The following E2F7 variants were observed in gnomAD, a reference collection of about 807,000 sequenced individuals.
E2F7 encodes the protein E2F transcription factor 7, also known as transcription factor E2F7.
In E2F7, 35 loss-of-function variants were observed where a neutral mutation model predicts 81.1. The ratio of observed to expected loss-of-function variants is 0.43; its 90% CI spans 0.33 to 0.57. The LOEUF is 0.57. Among genes scored for constraint, E2F7 ranks in the 20% least tolerant of loss-of-function variants. The probability of loss-of-function intolerance (pLI) is 0.04; values close to 1 mark genes in which losing one functional copy is unlikely to be tolerated. For missense variants in E2F7, 961 were observed against 1,093.7 expected (o/e 0.88, Z 1.71); for synonymous variants, 416 against 416.2 (o/e 1.00, Z 0.01).
chr12:77,023,787 C>G lies in E2F7; in HGVS notation c.*228G>C. On this transcript the variant is annotated 3_prime_UTR_variant, in exon 13 of 13. Coordinates refer to ENST00000322886, the MANE Select transcript of E2F7 (RefSeq NM_203394.3). The stretch of plus-strand genomic sequence containing the variant: ...TCTTGAATCAAAACCATAAGTCAGT[C>G]GGCGCTTTCACTGTGACACCATGCA... 2.0e-6 allele frequency: 1 copy of G among 493,188 alleles called. No homozygotes were observed. The highest frequency in any genetic ancestry group is 3.5e-6 in the Non-Finnish European group (1 of 283,872). 30.6% of individuals were successfully genotyped at this position (493,188 alleles called of 1,614,324 possible).
At chr12:77,056,961 A>T (rs753095266) in intron 2 of E2F7, among the ~76,000 whole-genome samples, 3 of 150,694 alleles carry the variant, frequency 2.0e-5, no homozygotes, top group Non-Finnish European at 4.4e-5. Flanking sequence ...ATCATAATTC[A>T]CTATAGCCTC....
intron 9 of E2F7, among the ~76,000 whole-genome samples, chr12:77,031,320 G>A (rs1346293081): frequency 6.6e-6 from 1 of 152,154 alleles, no homozygotes; most frequent in East Asian, 1.9e-4. Flanking sequence ...ATATTTTTAG[G>A]AATAGAGAAG....
intron 2 of E2F7, 62 bp from the exon 3 acceptor site, chr12:77,056,192 C>CT: frequency 6.8e-7 from 1 of 1,472,104 alleles, no homozygotes; most frequent in Non-Finnish European, 9.1e-7. Context: ...TAAGAGTATA[C>CT]TTTGTTCCCA....
chr12:77,055,922 C>T lies in E2F7; in HGVS notation c.302G>A (p.Arg101Gln), dbSNP rs200583330. 1.2e-4 allele frequency: 192 copies of T among 1,614,016 alleles called. No individual in the cohort carries two copies. The East Asian group carries it at 2.5e-3, about 21-fold the overall frequency. Residue 101 changes from arginine to glutamine, a missense_variant, in exon 3 of 13, where the codon CGG becomes CAG. By Grantham distance (43) the Arg-to-Gln change is conservative. Around this residue, in one of 3 missense-constraint regions of E2F7, gnomAD observed 301 missense variants for 405.0 expected, o/e 0.74. Coordinates refer to ENST00000322886, the MANE Select transcript of E2F7 (RefSeq NM_203394.3). ...TCGGAATAGTCCCTTTTTCTTCTCC[C>T]GGTCCCTTATATCTGGGCTGGCAGC... Reference protein sequence around the residue: ...ISAASPDIRDREKKKGLFRPI... With the variant: ...ISAASPDIRDQEKKKGLFRPI...
At chr12:77,045,952 C>T (rs1003277484) in intron 5 of E2F7, 86 bp downstream of exon 5, 244 of 1,513,140 alleles carry the variant, frequency 1.6e-4, no homozygotes, top group Non-Finnish European at 1.8e-4. Flanking sequence ...GTCAACCTGG[C>T]ACTTCCCATC....
intron 3 of E2F7, among the ~76,000 whole-genome samples, chr12:77,053,953 T>C (rs1473660142): frequency 2.6e-5 from 4 of 152,120 alleles, no homozygotes. Context: ...GTATTTTACA[T>C]GATCAAATAG....
chr12:77,035,886 C>A (rs1954845251), intron 7 of E2F7, among the ~76,000 whole-genome samples: 1 of 104,710 alleles, frequency 9.6e-6, no homozygotes, highest in Non-Finnish European at 2.1e-5. Flanking sequence ...AGGCTCAAAT[C>A]AAACTTCTAG....
At chr12:77,053,691 G>A (rs1158199685) in intron 3 of E2F7, among the ~76,000 whole-genome samples, 1 of 152,142 alleles carries the variant, frequency 6.6e-6, no homozygotes, top group Non-Finnish European at 1.5e-5. Context: ...ATAAACAGGA[G>A]AATGAATAAA....
rs1954925054 is a variant in E2F7 at position 77,044,770 on chromosome 12, C to A, written c.855G>T (p.Lys285Asn). The change falls in exon 6 of 13, where the codon AAG (lysine) becomes AAT (asparagine). Residue 285 changes from lysine (K) to asparagine (N), a missense_variant. Lys to Asn is a moderately conservative substitution (Grantham distance 94). This residue lies in a region of E2F7 where 301 missense variants were observed against 405.0 expected (regional missense o/e 0.74). Transcript: ENST00000322886. Reference protein sequence around the residue: ...PSSSANSRKDKSLRIMSQKFV... With the variant: ...PSSSANSRKDNSLRIMSQKFV... ...ACTTCTGGCTCATAATTCTCAGAGA[C>A]TTGTCTTTTCTACTGTTTGCAGATG... 6.2e-7 allele frequency: 1 copy of A among 1,613,896 alleles called. No homozygotes were observed. Among genetic ancestry groups the A allele is most frequent in the Admixed American group, 1.7e-5 (1 of 59,984 alleles).
rs1273855333 is a variant in E2F7, at chr12:77,027,962, A to G, written c.2061T>C (p.Asp687=). Residue 687 remains aspartate, a synonymous_variant, in exon 11 of 13, where the codon GAT becomes GAC. Transcript: ENST00000322886. ...CATTTTCTTTTGAAGGCTTTTCAACATCTGTATTTCTTGAAGGATTTCCCC... is the reference window on the plus strand; with the variant it reads ...CATTTTCTTTTGAAGGCTTTTCAACGTCTGTATTTCTTGAAGGATTTCCCC... ...SEWGNPSRNT[D]VEKPSKENES... 4 of 1,614,184 alleles carry G rather than the reference A, an allele frequency of 2.5e-6. No homozygotes were observed. The highest frequency in any genetic ancestry group is 3.4e-6 in the Non-Finnish European group (4 of 1,180,018).
chr12:77,055,170 T>C (rs1222401738), intron 3 of E2F7, among the ~76,000 whole-genome samples: 1 of 152,218 alleles, frequency 6.6e-6, no homozygotes, highest in Non-Finnish European at 1.5e-5. Context: ...AAATTCATTC[T>C]GTTCTATGAA....
chr12:77,031,587 GCTGAGATCATGCCA>G (rs1388899073), intron 9 of E2F7, among the ~76,000 whole-genome samples: 2 of 152,328 alleles, frequency 1.3e-5, no homozygotes, highest in Non-Finnish European at 2.9e-5. Context: ...GTTGCAGTGA[GCTGAGATCATGCCA>G]CTGCACCCCA....
intron 10 of E2F7, among the ~76,000 whole-genome samples, chr12:77,029,058 T>G (rs1954782624): frequency 6.6e-6 from 1 of 152,228 alleles, no homozygotes; most frequent in African/African-American, 2.4e-5. Flanking sequence ...TCGGGTCTTA[T>G]AAGAACTGTG....
chr12:77,049,089 T>C (rs1954965040), intron 4 of E2F7, among the ~76,000 whole-genome samples: 1 of 152,218 alleles, frequency 6.6e-6, no homozygotes, highest in Non-Finnish European at 1.5e-5. Context: ...AGCAGTCCCT[T>C]GCCTAAAACT....
intron 1 of E2F7, 92 bp from the exon 2 acceptor site, chr12:77,064,727 A>G (rs1354601316): frequency 4.6e-6 from 5 of 1,083,868 alleles, no homozygotes; most frequent in African/African-American, 3.1e-5. Context: ...TTGTTTGTCA[A>G]TATGAAATTC....
chr12:77,044,947 T>G, intron 5 of E2F7, 152 bp from the exon 6 acceptor site: 1 of 912,270 alleles, frequency 1.1e-6, no homozygotes, highest in Non-Finnish European at 1.6e-6. Context: ...ATCACAGAAG[T>G]CAGCTCAGGA....
chr12:77,034,459 T>A (rs1414436704), intron 7 of E2F7, among the ~76,000 whole-genome samples: 2 of 152,238 alleles, frequency 1.3e-5, no homozygotes, highest in African/African-American at 2.4e-5. Flanking sequence ...CAGCTTCCTA[T>A]GCCACAGACC....
At chr12:77,055,744 C>A in intron 3 of E2F7, 111 bp downstream of exon 3, 1 of 1,228,000 alleles carries the variant, frequency 8.1e-7, no homozygotes, top group Non-Finnish European at 1.1e-6. Flanking sequence ...TTCAGTTTGC[C>A]ACTGCTTTTG....
Position 77,055,760 on chromosome 12 carries a change from A to G in E2F7, c.369+95T>C, listed in dbSNP as rs548525153. 2.0e-5 allele frequency: 29 copies of G among 1,435,282 alleles called. No individual in the cohort carries two copies. In the South Asian group the frequency reaches 2.9e-4, roughly 14 times the overall value. 88.9% of individuals were successfully genotyped at this position (1,435,282 alleles called of 1,614,324 possible). On this transcript the variant is annotated intron_variant, in intron 3 of 12. Transcript: ENST00000322886. ...TCAGTTTGCCACTGCTTTTGGCTCA[A>G]TAGGAGCTGAAAAGTTGACAGTTCT...
Sources: gnomAD v4.1 joint callset for allele counts (sites outside exome capture counted in the v4.1 genomes callset) on GRCh38, gnomAD v4.1.1 for gene constraint, gnomAD v4.1.1 regional missense constraint, MANE v1.5 for transcripts, NCBI Gene and HGNC (gene_info 2026-07-23, HGNC 2026-07-21) for gene names.